The following COL8A1 variants were observed in gnomAD, a reference collection of about 807,000 sequenced individuals.
COL8A1 encodes collagen type VIII alpha 1 chain.
Under a neutral mutation model 42.7 loss-of-function variants are expected in COL8A1, and 21 were observed. The observed-to-expected ratio is 0.49, with a 90% CI of 0.35 to 0.71. The LOEUF (loss-of-function observed/expected upper bound fraction) is 0.71, where lower values mean the gene tolerates loss of function less well. Among genes scored for constraint, COL8A1 ranks in the 30% least tolerant of loss-of-function variants. The pLI is 0.01. For missense variants in COL8A1, 788 were observed against 962.4 expected (o/e 0.82, Z 2.40); for synonymous variants, 367 against 369.1 (o/e 0.99, Z 0.06).
At chr3:99,676,658 GC>G (rs1214935648) in intron 1 of COL8A1, among the ~76,000 whole-genome samples, 3 of 152,046 alleles carry the variant, frequency 2.0e-5, no homozygotes, top group Non-Finnish European at 4.4e-5. Flanking sequence ...AGACAAGAAT[GC>G]CCACTATCAC....
chr3:99,743,803 G>A (rs792829), intron 1 of COL8A1, among the ~76,000 whole-genome samples: 106,642 of 152,064 alleles, frequency 0.7, 37,992 homozygotes, highest in African/African-American at 0.84. Flanking sequence ...ATCACATTTC[G>A]AACTTACTAA....
Position 99,795,746 on chromosome 3 carries a change from G to A in COL8A1, c.1845G>A (p.Met615Ile), listed in dbSNP as rs1381270986. 1.9e-6 allele frequency: 3 copies of A among 1,614,188 alleles called. No homozygotes were observed. Among genetic ancestry groups the A allele is most frequent in the Non-Finnish European group, 2.5e-6 (3 of 1,180,024 alleles). Residue 615 changes from methionine to isoleucine, a missense_variant, in exon 4 of 4, where the codon ATG (methionine) becomes ATA (isoleucine). Coordinates refer to ENST00000652472, the MANE Select transcript of COL8A1 (RefSeq NM_020351.4). ...KGKNGGPAYE[M>I]PAFTAELTAP... Reference sequence around the variant, plus strand: ...AGAATGGAGGGCCAGCCTATGAGATGCCTGCATTTACCGCCGAGCTAACCG... The same window carrying A: ...AGAATGGAGGGCCAGCCTATGAGATACCTGCATTTACCGCCGAGCTAACCG...
chr3:99,759,482 C>A, intron 2 of COL8A1, among the ~76,000 whole-genome samples: 1 of 152,082 alleles, frequency 6.6e-6, no homozygotes, highest in East Asian at 1.9e-4. Context: ...AAAGGGAAAA[C>A]TACATAAGGG....
intron 1 of COL8A1, among the ~76,000 whole-genome samples, chr3:99,648,144 G>A (rs1299074900): frequency 6.6e-6 from 1 of 152,138 alleles, no homozygotes; most frequent in East Asian, 1.9e-4. Flanking sequence ...CAAGAAGGGT[G>A]TTATTATTCC....
At chr3:99,786,430 A>T (rs1004374121) in intron 2 of COL8A1, among the ~76,000 whole-genome samples, 3 of 152,162 alleles carry the variant, frequency 2.0e-5, no homozygotes, top group African/African-American at 7.2e-5. Context: ...TCATGTAAGG[A>T]TACAGCAAAA....
intron 2 of COL8A1, among the ~76,000 whole-genome samples, chr3:99,773,837 A>ATATATTATATATATATATATATATATATT: frequency 2.2e-5 from 1 of 45,400 alleles, no homozygotes; most frequent in East Asian, 7.4e-4. Context: ...ATATATATAT[A>ATATATTATATATATATATATATATATATT]TTTTTTTTTT....
At chr3:99,781,268 A>G (rs934164838) in intron 2 of COL8A1, among the ~76,000 whole-genome samples, 2 of 152,150 alleles carry the variant, frequency 1.3e-5, no homozygotes, top group South Asian at 4.1e-4. Flanking sequence ...CTTTAGTAGG[A>G]TTGCCATTCT....
intron 1 of COL8A1, among the ~76,000 whole-genome samples, chr3:99,640,519 G>T (rs867490663): frequency 5.9e-4 from 90 of 152,306 alleles, no homozygotes; most frequent in African/African-American, 1.9e-3. Context: ...TGAGCTTCCA[G>T]TTATTCCTAA....
intron 1 of COL8A1, among the ~76,000 whole-genome samples, chr3:99,719,141 G>A (rs1435081816): frequency 1.3e-5 from 2 of 151,910 alleles, no homozygotes; most frequent in African/African-American, 4.8e-5. Context: ...TGAGAAATAT[G>A]TGAAAAAATA....
At chr3:99,639,600 T>A (rs1403339190) in intron 1 of COL8A1, among the ~76,000 whole-genome samples, 1 of 152,212 alleles carries the variant, frequency 6.6e-6, no homozygotes, top group African/African-American at 2.4e-5. Context: ...GCTACCCTCT[T>A]TAAAAGAAAA....
chr3:99,666,564 C>T (rs1012403207), intron 1 of COL8A1, among the ~76,000 whole-genome samples: 5 of 152,210 alleles, frequency 3.3e-5, no homozygotes, highest in Admixed American at 6.5e-5. Context: ...ACATTAGACA[C>T]ATGTATCTGT....
chr3:99,654,974 T>C (rs1159825175), intron 1 of COL8A1, among the ~76,000 whole-genome samples: 1 of 152,112 alleles, frequency 6.6e-6, no homozygotes, highest in Admixed American at 6.5e-5. Context: ...ATTCATTCAA[T>C]AGTTATTGAG....
intron 2 of COL8A1, among the ~76,000 whole-genome samples, chr3:99,778,860 C>A (rs1941743228): frequency 6.6e-6 from 1 of 152,094 alleles, no homozygotes; most frequent in Non-Finnish European, 1.5e-5. Context: ...TGCCATTTGA[C>A]AAGCATTTCT....
intron 1 of COL8A1, among the ~76,000 whole-genome samples, chr3:99,693,059 G>A (rs144541970): frequency 7.2e-5 from 11 of 152,168 alleles, no homozygotes; most frequent in African/African-American, 2.2e-4. Flanking sequence ...CTTGAGAGGC[G>A]CGTGTTTGTA....
intron 1 of COL8A1, chr3:99,678,324 A>G (rs762628567): frequency 3.3e-5 from 5 of 152,040 alleles, no homozygotes; most frequent in Admixed American, 3.3e-4. Context: ...TTGTTTCTCA[A>G]CCACTGCTTG....
chr3:99,714,621 C>T (rs1280169803), intron 1 of COL8A1, among the ~76,000 whole-genome samples: 1 of 152,064 alleles, frequency 6.6e-6, no homozygotes, highest in African/African-American at 2.4e-5. Context: ...GACCTGTTTC[C>T]ATCCATTTAT....
chr3:99,655,545 C>T (rs1937991691), intron 1 of COL8A1, among the ~76,000 whole-genome samples: 1 of 152,186 alleles, frequency 6.6e-6, no homozygotes, highest in Non-Finnish European at 1.5e-5. Context: ...ATTGGGTAAA[C>T]AGTATCTGAC....
intron 2 of COL8A1, among the ~76,000 whole-genome samples, chr3:99,750,542 C>A (rs528350968): frequency 1.3e-5 from 2 of 152,030 alleles, no homozygotes; most frequent in Admixed American, 6.6e-5. Flanking sequence ...ACTCCAAAAT[C>A]GATAGGTGAT....
intron 1 of COL8A1, among the ~76,000 whole-genome samples, chr3:99,680,672 T>A (rs1018497963): frequency 6.6e-6 from 1 of 152,200 alleles, no homozygotes; most frequent in Non-Finnish European, 1.5e-5. Context: ...TTCCTGACTT[T>A]TTAATGATTG....
Sources: gnomAD v4.1 joint callset for allele counts (sites outside exome capture counted in the v4.1 genomes callset) on GRCh38, gnomAD v4.1.1 for gene constraint, MANE v1.5 for transcripts, NCBI Gene and HGNC (gene_info 2026-07-23, HGNC 2026-07-21) for gene names.